The following LRRC37A2 variants were observed in gnomAD, a reference collection of about 807,000 sequenced individuals.
The protein encoded by LRRC37A2 is leucine rich repeat containing 37 member A2, also known as leucine-rich repeat-containing protein 37A2.
A neutral mutation model predicts 68.8 loss-of-function variants in LRRC37A2; 9 were observed. The observed-to-expected ratio is 0.13, with a 90% CI of 0.08 to 0.23. LRRC37A2 has a LOEUF of 0.23. LRRC37A2 is among the 10% of genes least tolerant of loss of function. The pLI is 1.00. For missense variants in LRRC37A2, 168 were observed against 950.4 expected (o/e 0.18, Z 10.82); for synonymous variants, 63 against 367.6 (o/e 0.17, Z 9.48).
chr17:46,926,490 A>G, the LRRC37A2 span, among the ~76,000 whole-genome samples: 2 of 152,168 alleles, frequency 1.3e-5, no homozygotes, highest in African/African-American at 2.4e-5. Flanking sequence ...CTTATTTGCT[A>G]CTATTTCTCT....
At chr17:46,693,064 C>A in the LRRC37A2 span, 19 of 1,610,610 alleles carry the variant, frequency 1.2e-5, no homozygotes, top group African/African-American at 2.4e-4. Context: ...ACATCCTAGT[C>A]ATTGGTATGT....
In LRRC37A2 at chr17:46,540,212, TC is replaced by T; in HGVS notation, c.2945del (p.Pro982ArgfsTer9). 2 of 1,603,412 alleles carry T rather than the reference TC, an allele frequency of 1.2e-6. 1 individual carries two copies. Among genetic ancestry groups the T allele is most frequent in the African/African-American group, 2.8e-5 (2 of 71,354 alleles). The stretch of plus-strand genomic sequence containing the variant: ...ACAATCCTCTGACAACTGTTGAAGA[TC>T]CGTATCTCTTTAAATTGCCAGCATT... On this transcript the variant is annotated frameshift_variant, in exon 7 of 15. Coordinates refer to ENST00000576629, the Ensembl canonical transcript of LRRC37A2. LOFTEE classifies it high-confidence loss of function.
the LRRC37A2 span, among the ~76,000 whole-genome samples, chr17:46,989,364 A>G: frequency 6.6e-6 from 1 of 152,318 alleles, no homozygotes; most frequent in East Asian, 1.9e-4. Context: ...TTGTAAAGAC[A>G]TCTTGCCCCT....
At chr17:46,718,211 G>A in the LRRC37A2 span, among the ~76,000 whole-genome samples, 1 of 152,190 alleles carries the variant, frequency 6.6e-6, no homozygotes, top group Non-Finnish European at 1.5e-5. Context: ...CCCAGTGAGT[G>A]CCAAAGGGCA....
chr17:46,657,850 C>T, the LRRC37A2 span, among the ~76,000 whole-genome samples: 1 of 78,472 alleles, frequency 1.3e-5, no homozygotes, highest in South Asian at 5.9e-4. Context: ...GAGAGTGATA[C>T]CTTGTTCCCC....
chr17:46,676,293 C>T, the LRRC37A2 span, among the ~76,000 whole-genome samples: 2 of 137,274 alleles, frequency 1.5e-5, no homozygotes, highest in Admixed American at 1.5e-4. Context: ...AGTGCAATGG[C>T]GTGATCTCGG....
chr17:46,900,994 C>A, the LRRC37A2 span, among the ~76,000 whole-genome samples: 3 of 151,954 alleles, frequency 2.0e-5, no homozygotes, highest in Admixed American at 2.0e-4. Flanking sequence ...AGCTGTAATG[C>A]AATGGAAATT....
At chr17:46,921,558 G>A in the LRRC37A2 span, among the ~76,000 whole-genome samples, 5 of 152,054 alleles carry the variant, frequency 3.3e-5, no homozygotes, top group African/African-American at 9.7e-5. Flanking sequence ...CTACAGAATG[G>A]GAGAAAATTT....
the LRRC37A2 span, among the ~76,000 whole-genome samples, chr17:47,028,113 G>T: frequency 6.6e-6 from 1 of 152,238 alleles, no homozygotes; most frequent in Non-Finnish European, 1.5e-5. Flanking sequence ...CGTGTGCAGT[G>T]TTAAAGTATA....
At chr17:46,809,446 G>T in the LRRC37A2 span, among the ~76,000 whole-genome samples, 2 of 152,186 alleles carry the variant, frequency 1.3e-5, no homozygotes, top group African/African-American at 4.8e-5. Flanking sequence ...CTGGGTGCTT[G>T]GTCCTGTTGC....
At chr17:46,992,756 G>C in the LRRC37A2 span, among the ~76,000 whole-genome samples, 1 of 146,728 alleles carries the variant, frequency 6.8e-6, no homozygotes, top group Non-Finnish European at 1.5e-5. Flanking sequence ...AGGAGGCTGA[G>C]GCAGGAGAAT....
At chr17:46,741,482 T>C in the LRRC37A2 span, among the ~76,000 whole-genome samples, 1 of 152,198 alleles carries the variant, frequency 6.6e-6, no homozygotes, top group Non-Finnish European at 1.5e-5. Flanking sequence ...AAGAATTTGC[T>C]TCAGGGTAAA....
At chr17:46,414,636 TTA>T in the LRRC37A2 span, among the ~76,000 whole-genome samples, 1 of 146,676 alleles carries the variant, frequency 6.8e-6, no homozygotes, top group East Asian at 2.0e-4. Context: ...ATCTTTCTTA[TTA>T]GTCTTTTATA....
chr17:46,708,492 T>C, the LRRC37A2 span, among the ~76,000 whole-genome samples: 153 of 102,406 alleles, frequency 1.5e-3, 4 homozygotes, highest in East Asian at 0.11. Context: ...TTACATATCC[T>C]TTTTTTTTTT....
At chr17:46,978,441 C>T in the LRRC37A2 span, 1 of 558,988 alleles carries the variant, frequency 1.8e-6, no homozygotes, top group Non-Finnish European at 3.0e-6. Context: ...CACCCCGCAA[C>T]GCTGCAGCGC....
upstream of LRRC37A2, among the ~76,000 whole-genome samples, chr17:46,511,193 AAGG>A (rs1319757470): frequency 3.9e-5 from 5 of 127,582 alleles, no homozygotes; most frequent in African/African-American, 1.1e-4. Flanking sequence ...TTTTTAAAAA[AAGG>A]AGCAAAAGTA....
chr17:46,635,622 T>C, the LRRC37A2 span, among the ~76,000 whole-genome samples: 1 of 86,018 alleles, frequency 1.2e-5, no homozygotes, highest in Non-Finnish European at 2.6e-5. Context: ...AGGCAAACCA[T>C]AGGCTGATGG....
chr17:46,854,752 C>T, the LRRC37A2 span, among the ~76,000 whole-genome samples: 439 of 152,278 alleles, frequency 2.9e-3, 2 homozygotes, highest in Middle Eastern at 6.8e-3. Flanking sequence ...CCGCCACCTC[C>T]TGGGCTCAAG....
At chr17:46,995,824 C>A in the LRRC37A2 span, among the ~76,000 whole-genome samples, 3 of 152,180 alleles carry the variant, frequency 2.0e-5, no homozygotes, top group Admixed American at 1.3e-4. Flanking sequence ...CTATCTGATA[C>A]AGTAGGATTT....
Sources: gnomAD v4.1 joint callset for allele counts (sites outside exome capture counted in the v4.1 genomes callset) on GRCh38, gnomAD v4.1.1 for gene constraint, MANE v1.5 for transcripts, NCBI Gene and HGNC (gene_info 2026-07-23, HGNC 2026-07-21) for gene names.